The following NCMAP variants were observed in gnomAD, a reference collection of about 807,000 sequenced individuals.
The protein encoded by NCMAP is noncompact myelin-associated protein.
In NCMAP, 8 loss-of-function variants were observed where a neutral mutation model predicts 7.8. The ratio of observed to expected loss-of-function variants is 1.02; its 90% confidence interval spans 0.60 to 1.84. NCMAP has a LOEUF of 1.84. NCMAP is among the 40% of genes most tolerant of loss of function. The pLI, the probability that NCMAP is intolerant of heterozygous loss-of-function variation, is 0.00. For synonymous variants in NCMAP, 41 were observed against 52.9 expected (o/e 0.78, Z 0.98); for missense variants, 112 against 131.4 (o/e 0.85, Z 0.72).
intron 1 of NCMAP, among the ~76,000 whole-genome samples, chr1:24,575,304 G>GA (rs1423879390): frequency 6.6e-6 from 1 of 151,632 alleles, no homozygotes; most frequent in Non-Finnish European, 1.5e-5. Context: ...CCTCGGGTTG[G>GA]AAAAAAAATA....
intron 1 of NCMAP, among the ~76,000 whole-genome samples, chr1:24,593,651 A>G (rs530139188): frequency 1.3e-5 from 2 of 152,258 alleles, no homozygotes; most frequent in South Asian, 4.1e-4. Context: ...ATTTTTTAAA[A>G]TGTCCAGAAT....
chr1:24,557,988 G>A lies in NCMAP; in HGVS notation c.-8+1819G>A, dbSNP rs117340985. Among the ~76,000 whole-genome samples the A allele has an allele frequency of 2.3e-3, 351 of 152,336 alleles. 3 individuals are homozygous for A. The East Asian group carries it at 0.029, about 13-fold the overall frequency. ...TGGACTATGGCCATTCCTGCCTGAA[G>A]TCAGGAAGGAGCTGTGTCCTTGAGG... is the stretch of plus-strand genomic sequence containing the variant. On this transcript the variant is annotated intron_variant, in intron 1 of 3. Coordinates refer to ENST00000374392, the MANE Select transcript of NCMAP (RefSeq NM_001010980.5).
intron 2 of NCMAP, among the ~76,000 whole-genome samples, chr1:24,597,688 AAGAAAG>A (rs1652307598): frequency 7.3e-6 from 1 of 136,748 alleles, no homozygotes. Context: ...AAAAGAAAGA[AAGAAAG>A]AGAAAGAAGG....
intron 2 of NCMAP, among the ~76,000 whole-genome samples, chr1:24,599,718 C>T (rs941379249): frequency 6.6e-6 from 1 of 150,592 alleles, no homozygotes; most frequent in Non-Finnish European, 1.5e-5. Flanking sequence ...GCTGGGATTA[C>T]AGGCACATGC....
chr1:24,563,314 G>A (rs1017628800), intron 1 of NCMAP, among the ~76,000 whole-genome samples: 3 of 150,920 alleles, frequency 2.0e-5, no homozygotes, highest in African/African-American at 7.4e-5. Flanking sequence ...CTGAGGTTGG[G>A]AATTCAAGAC....
chr1:24,564,415 C>A (rs1651151105), intron 1 of NCMAP, among the ~76,000 whole-genome samples: 1 of 143,848 alleles, frequency 7.0e-6, no homozygotes, highest in Non-Finnish European at 1.5e-5. Flanking sequence ...GAGGCTGAGG[C>A]AAGAGAAGAA....
chr1:24,563,446 T>C (rs1651114213), intron 1 of NCMAP, among the ~76,000 whole-genome samples: 1 of 149,150 alleles, frequency 6.7e-6, no homozygotes, highest in Non-Finnish European at 1.5e-5. Flanking sequence ...CACTTGAACC[T>C]GGGAGGCGGA....
chr1:24,568,780 A>ATC (rs759137214), intron 1 of NCMAP, among the ~76,000 whole-genome samples: 172 of 152,154 alleles, frequency 1.1e-3, no homozygotes, highest in Non-Finnish European at 2.1e-3. Context: ...ATCCCATAAT[A>ATC]GGGATCCTTT....
chr1:24,569,820 C>T (rs1396233636), intron 1 of NCMAP, among the ~76,000 whole-genome samples: 2 of 150,738 alleles, frequency 1.3e-5, no homozygotes, highest in Admixed American at 1.3e-4. Flanking sequence ...TCATTAAATG[C>T]TCCTCTTACT....
At chr1:24,556,711 C>T (rs1650907584) in intron 1 of NCMAP, among the ~76,000 whole-genome samples, 1 of 151,994 alleles carries the variant, frequency 6.6e-6, no homozygotes, top group African/African-American at 2.4e-5. Flanking sequence ...TCCAGCAGCG[C>T]TCCTGAGGAA....
At chr1:24,566,004 G>A (rs1453648999) in intron 1 of NCMAP, among the ~76,000 whole-genome samples, 1 of 152,014 alleles carries the variant, frequency 6.6e-6, no homozygotes, top group Non-Finnish European at 1.5e-5. Context: ...CTTTCGCTTG[G>A]CACCTCTCCT....
intron 1 of NCMAP, among the ~76,000 whole-genome samples, chr1:24,583,444 T>TG (rs1651794553): frequency 6.6e-6 from 1 of 152,144 alleles, no homozygotes; most frequent in African/African-American, 2.4e-5. Context: ...CCAGGCACGG[T>TG]GGCTCATGCC....
intron 1 of NCMAP, among the ~76,000 whole-genome samples, chr1:24,584,499 A>G (rs891622941): frequency 2.0e-5 from 3 of 152,218 alleles, no homozygotes; most frequent in Non-Finnish European, 4.4e-5. Context: ...AAATCAGAGC[A>G]AAGGACATCT....
chr1:24,582,059 A>G (rs1390691930), intron 1 of NCMAP, among the ~76,000 whole-genome samples: 1 of 152,130 alleles, frequency 6.6e-6, no homozygotes, highest in Non-Finnish European at 1.5e-5. Flanking sequence ...CCCACTCCCT[A>G]TTCCCCTACC....
chr1:24,559,386 G>A (rs574227369), intron 1 of NCMAP, among the ~76,000 whole-genome samples: 58 of 152,306 alleles, frequency 3.8e-4, no homozygotes, highest in Middle Eastern at 3.4e-3. Flanking sequence ...GATCCTAGGT[G>A]GGCAGGAGGC....
At chr1:24,599,698 C>T (rs944161733) in intron 2 of NCMAP, among the ~76,000 whole-genome samples, 3 of 152,010 alleles carry the variant, frequency 2.0e-5, no homozygotes, top group African/African-American at 4.8e-5. Flanking sequence ...CTGCCTCAGC[C>T]TCCTGAGTAG....
Position 24,559,594 on chromosome 1 carries a change from C to G in NCMAP, c.-8+3425C>G, listed in dbSNP as rs968429560. Among the ~76,000 whole-genome samples the G allele has an allele frequency of 2.0e-5, 3 of 152,186 alleles. No homozygotes were observed. The East Asian group carries it at 5.8e-4, about 29-fold the overall frequency. ...AGGAAGGAACAGAGGGTGTGCCAAC[C>G]TCTAAGACAGAGAGGCCTGTTCTCT... On this transcript the variant is annotated intron_variant, in intron 1 of 3. Transcript: ENST00000374392.
At chr1:24,583,717 GA>G (rs71032830) in intron 1 of NCMAP, among the ~76,000 whole-genome samples, 12,185 of 103,714 alleles carry the variant, frequency 0.12, 568 homozygotes, top group East Asian at 0.19. Flanking sequence ...CTCCGTCTCA[GA>G]AAAAAAAAAA....
At chr1:24,581,505 T>A (rs1383901345) in intron 1 of NCMAP, among the ~76,000 whole-genome samples, 1 of 152,248 alleles carries the variant, frequency 6.6e-6, no homozygotes, top group Non-Finnish European at 1.5e-5. Context: ...ACCTGTAAGT[T>A]CCCTGCAGGC....
Sources: gnomAD v4.1 joint callset for allele counts (sites outside exome capture counted in the v4.1 genomes callset) on GRCh38, gnomAD v4.1.1 for gene constraint, MANE v1.5 for transcripts, NCBI Gene and HGNC (gene_info 2026-07-23, HGNC 2026-07-21) for gene names.